The following MPZL1 variants were observed in gnomAD, a reference collection of about 807,000 sequenced individuals.
The protein encoded by MPZL1 is myelin protein zero-like protein 1.
A neutral mutation model predicts 29.3 loss-of-function variants in MPZL1; 16 were observed. That is an observed-to-expected ratio of 0.55 (90% confidence interval 0.37 to 0.83). The LOEUF is 0.83. Among genes scored for constraint, MPZL1 ranks in the 40% least tolerant of loss-of-function variants. The probability of loss-of-function intolerance (pLI) is 0.00; values close to 1 mark genes in which losing one functional copy is unlikely to be tolerated. For missense variants in MPZL1, 279 were observed against 332.9 expected, an observed-to-expected ratio of 0.84 and a Z score of 1.26; for synonymous variants, 143 against 132.0, an observed-to-expected ratio of 1.08 and a Z score of -0.57.
At chr1:167,735,283 A>G (rs531830581) in intron 1 of MPZL1, among the ~76,000 whole-genome samples, 75 of 152,278 alleles carry the variant, frequency 4.9e-4, no homozygotes, top group East Asian at 2.9e-3. Context: ...AAAGTACCCA[A>G]TGGTGACATT....
At chr1:167,770,593 G>C (rs1661218904) in intron 2 of MPZL1, among the ~76,000 whole-genome samples, 1 of 152,252 alleles carries the variant, frequency 6.6e-6, no homozygotes, top group East Asian at 1.9e-4. Flanking sequence ...GCGAAACTCA[G>C]ATTAGCTGAT....
chr1:167,776,254 G>A lies in MPZL1; in HGVS notation c.708+88G>A, dbSNP rs1661365332. ...CCTTGGGTGTGGAAAAGAATACTGA[G>A]CTATGAGAGACAGAGACAGAGACAG... is the stretch of plus-strand genomic sequence containing the variant. On this transcript the variant is annotated intron_variant, in intron 5 of 5. Transcript: ENST00000359523. 6 of 895,762 alleles carry A rather than the reference G, an allele frequency of 6.7e-6. No individual in the cohort carries two copies. The South Asian group carries it at 1.1e-4, about 16-fold the overall frequency. The allele number at this position is 895,762 out of a possible 1,614,324, so 55.5% of individuals were successfully genotyped here.
chr1:167,767,745 T>C (rs907972669), intron 2 of MPZL1, among the ~76,000 whole-genome samples: 23 of 151,780 alleles, frequency 1.5e-4, no homozygotes, highest in African/African-American at 5.3e-4. Flanking sequence ...GGGATCCACA[T>C]GTCTGAAACT....
intron 1 of MPZL1, among the ~76,000 whole-genome samples, chr1:167,754,888 C>T (rs1176365447): frequency 6.6e-6 from 1 of 152,142 alleles, no homozygotes; most frequent in Non-Finnish European, 1.5e-5. Context: ...CTGTTTAGAG[C>T]AGTTATGGTT....
At chr1:167,722,344 CGAG>C in intron 1 of MPZL1, 102 bp downstream of exon 1, 1 of 1,226,652 alleles carries the variant, frequency 8.2e-7, no homozygotes, top group Non-Finnish European at 1.0e-6. Flanking sequence ...CACTGAGAGC[CGAG>C]GTGGGGAGGG....
intron 1 of MPZL1, among the ~76,000 whole-genome samples, chr1:167,737,526 T>G (rs1377298510): frequency 6.6e-6 from 1 of 152,200 alleles, no homozygotes; most frequent in African/African-American, 2.4e-5. Flanking sequence ...TAGTATATTT[T>G]AGCAGATCGG....
chr1:167,786,336 A>G (rs1661592789), intron 5 of MPZL1, among the ~76,000 whole-genome samples: 2 of 152,220 alleles, frequency 1.3e-5, no homozygotes, highest in Admixed American at 1.3e-4. Context: ...AATAACTAAC[A>G]TGTATTAAGT....
intron 1 of MPZL1, among the ~76,000 whole-genome samples, chr1:167,747,415 G>T (rs1436374362): frequency 3.3e-5 from 5 of 152,030 alleles, no homozygotes; most frequent in African/African-American, 1.2e-4. Flanking sequence ...GTAGAAACAG[G>T]GGTCTCACTA....
chr1:167,734,521 T>C (rs995619660), intron 1 of MPZL1, among the ~76,000 whole-genome samples: 1 of 152,186 alleles, frequency 6.6e-6, no homozygotes, highest in Non-Finnish European at 1.5e-5. Context: ...TCCACCATGA[T>C]CCCATACCCT....
At chr1:167,727,062 A>G (rs1213895017) in intron 1 of MPZL1, among the ~76,000 whole-genome samples, 1 of 152,230 alleles carries the variant, frequency 6.6e-6, no homozygotes, top group Non-Finnish European at 1.5e-5. Context: ...GAAAAATGGA[A>G]CATCTTATTT....
At chr1:167,750,270 A>G (rs1041820778) in intron 1 of MPZL1, among the ~76,000 whole-genome samples, 4 of 151,804 alleles carry the variant, frequency 2.6e-5, no homozygotes, top group African/African-American at 4.8e-5. Flanking sequence ...CCGCGATCTC[A>G]GCTCATTGCA....
intron 1 of MPZL1, among the ~76,000 whole-genome samples, chr1:167,734,033 G>A (rs1310115388): frequency 6.6e-6 from 1 of 152,124 alleles, no homozygotes; most frequent in Non-Finnish European, 1.5e-5. Flanking sequence ...AAGGCGGACG[G>A]ATCATGAGGT....
chr1:167,787,940 T>C lies in MPZL1; in HGVS notation c.*19T>C, dbSNP rs1476140674. The C allele has an allele frequency of 6.3e-7, 1 of 1,589,386 alleles. No individual in the cohort carries two copies. The highest frequency in any genetic ancestry group is 8.6e-7 in the Non-Finnish European group (1 of 1,157,778). On this transcript the variant is annotated 3_prime_UTR_variant, in exon 6 of 6. Coordinates refer to ENST00000359523, the MANE Select transcript of MPZL1 (RefSeq NM_003953.6). ...GAATTAAGAGAATACCTAGAACATA[T>C]CCTCAGCAAGAAACAAAACCAAACT...
chr1:167,764,857 G>A (rs1661078160), intron 1 of MPZL1, among the ~76,000 whole-genome samples: 1 of 152,118 alleles, frequency 6.6e-6, no homozygotes, highest in South Asian at 2.1e-4. Flanking sequence ...AAAGTTAAGT[G>A]CATATTACTA....
intron 5 of MPZL1, among the ~76,000 whole-genome samples, chr1:167,785,673 T>C (rs1468809851): frequency 1.3e-5 from 2 of 152,230 alleles, no homozygotes; most frequent in African/African-American, 2.4e-5. Context: ...TTAGGAATTA[T>C]GATATGGGGT....
Position 167,765,961 on chromosome 1 carries a change from C to T in MPZL1, c.258+212C>T, listed in dbSNP as rs962316475. The T allele has an allele frequency of 2.5e-5, 9 of 358,634 alleles. 1 individual carries two copies. In the East Asian group the frequency reaches 3.1e-4, roughly 12 times the overall value. 22.2% of individuals were successfully genotyped at this position (358,634 alleles called of 1,614,324 possible). ...TCCTTGTCTTTGATCAGTTCCTCTC[C>T]ACCATCAAATCCCATTCTGAAATTG... On this transcript the variant is annotated intron_variant, in intron 2 of 5. Transcript: ENST00000359523.
At chr1:167,779,248 A>G (rs1295794541) in intron 5 of MPZL1, among the ~76,000 whole-genome samples, 1 of 152,196 alleles carries the variant, frequency 6.6e-6, no homozygotes, top group African/African-American at 2.4e-5. Flanking sequence ...AAATAGTGAA[A>G]TTTTTAGTAA....
At chr1:167,773,149 G>C (rs1661286909) in intron 3 of MPZL1, 87 bp from the exon 4 acceptor site, 2 of 1,393,784 alleles carry the variant, frequency 1.4e-6, no homozygotes, top group South Asian at 2.6e-5. Context: ...ACTGCTAAAT[G>C]AAGATACTTG....
chr1:167,775,366 C>G (rs1455587300), intron 4 of MPZL1, among the ~76,000 whole-genome samples: 4 of 152,158 alleles, frequency 2.6e-5, no homozygotes, highest in Non-Finnish European at 5.9e-5. Context: ...ATTGGAAAAT[C>G]CCTACGCTGT....
Sources: gnomAD v4.1 joint callset for allele counts (sites outside exome capture counted in the v4.1 genomes callset) on GRCh38, gnomAD v4.1.1 for gene constraint, MANE v1.5 for transcripts, NCBI Gene and HGNC (gene_info 2026-07-23, HGNC 2026-07-21) for gene names.